Variants in SLIT3 observed in about 807,000 individuals in gnomAD.
SLIT3 encodes the protein slit homolog 3 protein.
SLIT3 carries 68 observed loss-of-function variants against 184.0 expected under a neutral mutation model. The observed-to-expected ratio is 0.37, with a 90% CI of 0.30 to 0.45. The LOEUF (loss-of-function observed/expected upper bound fraction) is 0.45. Among genes scored for constraint, SLIT3 ranks in the 20% least tolerant of loss-of-function variants. The probability of loss-of-function intolerance (pLI) is 1.00; values close to 1 mark genes in which losing one functional copy is unlikely to be tolerated. For synonymous variants in SLIT3, 831 were observed against 828.6 expected (o/e 1.00, Z -0.05); for missense variants, 1,707 against 2,026.0 (o/e 0.84, Z 3.02).
intron 20 of SLIT3, among the ~76,000 whole-genome samples, chr5:168,726,392 GGCA>G (rs1763114651): frequency 1.8e-5 from 1 of 54,810 alleles, no homozygotes; most frequent in African/African-American, 6.3e-5. Context: ...GAGGCAGGGA[GGCA>G]GAGGGAGGCA....
intron 3 of SLIT3, among the ~76,000 whole-genome samples, chr5:169,212,468 ATG>A (rs59448532): frequency 0.31 from 46,328 of 151,062 alleles, 8,017 homozygotes; most frequent in East Asian, 0.69. Flanking sequence ...TTGGGGTTGT[ATG>A]TTTTTTTTTC....
At chr5:169,272,211 G>A (rs150406852) in intron 1 of SLIT3, among the ~76,000 whole-genome samples, 17 of 152,302 alleles carry the variant, frequency 1.1e-4, no homozygotes, top group African/African-American at 1.9e-4. Flanking sequence ...TCCCTGTTCC[G>A]TTTGCAACCT....
intron 5 of SLIT3, among the ~76,000 whole-genome samples, chr5:168,851,011 T>C (rs1337851475): frequency 6.6e-6 from 1 of 152,132 alleles, no homozygotes; most frequent in African/African-American, 2.4e-5. Context: ...AGGGGGAAGA[T>C]CCCTGCAAAC....
chr5:168,843,955 C>T (rs1438056562), intron 6 of SLIT3, among the ~76,000 whole-genome samples: 1 of 152,034 alleles, frequency 6.6e-6, no homozygotes. Context: ...GGGCTGTCTC[C>T]TCTCATCTCC....
At chr5:169,114,786 G>A (rs573436785) in intron 4 of SLIT3, among the ~76,000 whole-genome samples, 2 of 152,320 alleles carry the variant, frequency 1.3e-5, no homozygotes, top group South Asian at 2.1e-4. Context: ...GGAGAAAGAC[G>A]GGTCCTCCCT....
chr5:168,954,837 G>A (rs1038748594), intron 4 of SLIT3, among the ~76,000 whole-genome samples: 1 of 152,248 alleles, frequency 6.6e-6, no homozygotes, highest in African/African-American at 2.4e-5. Flanking sequence ...TTGAGAGAAT[G>A]CAGGTCACAG....
chr5:168,915,813 G>A (rs1761416218), intron 4 of SLIT3, among the ~76,000 whole-genome samples: 1 of 152,176 alleles, frequency 6.6e-6, no homozygotes, highest in African/African-American at 2.4e-5. Flanking sequence ...ACAAGTAAAT[G>A]TCATATGTGA....
At chr5:168,824,711 C>T (rs1180969740) in intron 6 of SLIT3, among the ~76,000 whole-genome samples, 2 of 152,154 alleles carry the variant, frequency 1.3e-5, no homozygotes, top group East Asian at 1.9e-4. Flanking sequence ...TCATGGTGGC[C>T]ACTTGTTCCT....
At position 168,956,061 on chromosome 5, in the gene SLIT3, C is replaced by A. The variant is rs540450960; in HGVS notation, c.414-72725G>T. Among the ~76,000 whole-genome samples, 3 of 152,210 alleles carry A rather than the reference C, an allele frequency of 2.0e-5. No individual in the cohort carries two copies. The South Asian group carries it at 6.2e-4, about 32-fold the overall frequency. ...TGGATGCAGCCCCACCATCAACAAG[C>A]AAAACTCATTTTGAGTTTTAAAGGG... On this transcript the variant is annotated intron_variant, in intron 4 of 35. Transcript: ENST00000519560.
intron 4 of SLIT3, among the ~76,000 whole-genome samples, chr5:168,937,546 G>T (rs1376332852): frequency 1.3e-5 from 2 of 152,136 alleles, no homozygotes; most frequent in African/African-American, 2.4e-5. Context: ...CAGATAAGGG[G>T]TTGGGGTAAG....
At chr5:168,789,495 G>T (rs1011926270) in intron 11 of SLIT3, 65 bp downstream of exon 11, 12 of 1,225,986 alleles carry the variant, frequency 9.8e-6, no homozygotes, top group Non-Finnish European at 1.2e-5. Flanking sequence ...AAATATGGTT[G>T]CGTCTCTCTT....
intron 4 of SLIT3, among the ~76,000 whole-genome samples, chr5:169,116,186 T>G (rs1054471783): frequency 6.6e-6 from 1 of 152,170 alleles, no homozygotes; most frequent in African/African-American, 2.4e-5. Flanking sequence ...ATTATTGTAT[T>G]TATTATTGCA....
intron 3 of SLIT3, among the ~76,000 whole-genome samples, chr5:169,208,503 C>A (rs369582119): frequency 1.3e-5 from 2 of 152,012 alleles, no homozygotes; most frequent in Admixed American, 6.6e-5. Context: ...GAGAACAAAG[C>A]TGGAGGCATC....
intron 4 of SLIT3, among the ~76,000 whole-genome samples, chr5:168,980,360 G>A (rs1301023347): frequency 1.3e-5 from 2 of 152,138 alleles, no homozygotes; most frequent in Non-Finnish European, 1.5e-5. Context: ...GGGGAAGGCT[G>A]CTTCCCACAG....
chr5:168,733,333 A>G (rs951661934), intron 20 of SLIT3, among the ~76,000 whole-genome samples: 2 of 152,178 alleles, frequency 1.3e-5, no homozygotes, highest in African/African-American at 4.8e-5. Context: ...CTCATATGCT[A>G]CTGGTGGGAA....
intron 19 of SLIT3, among the ~76,000 whole-genome samples, chr5:168,748,917 CAAAT>C (rs1754599266): frequency 6.6e-6 from 1 of 152,186 alleles, no homozygotes; most frequent in Non-Finnish European, 1.5e-5. Context: ...TGAATTTATG[CAAAT>C]AAATATGCCC....
chr5:169,174,978 T>G (rs1202811143), intron 4 of SLIT3, among the ~76,000 whole-genome samples: 1 of 152,220 alleles, frequency 6.6e-6, no homozygotes. Context: ...TCTTGGCTCC[T>G]GACTGTGTGT....
chr5:169,047,796 C>A (rs750200836), intron 4 of SLIT3, among the ~76,000 whole-genome samples: 38 of 152,126 alleles, frequency 2.5e-4, no homozygotes, highest in Non-Finnish European at 2.1e-4. Flanking sequence ...TGTGCTCTGG[C>A]AGACCAGGAT....
chr5:168,884,548 A>G (rs1760103458), intron 4 of SLIT3, among the ~76,000 whole-genome samples: 1 of 97,576 alleles, frequency 1.0e-5, no homozygotes, highest in Non-Finnish European at 2.0e-5. Context: ...ACCAATTACG[A>G]GATATATATA....
Sources: gnomAD v4.1 joint callset for allele counts (sites outside exome capture counted in the v4.1 genomes callset) on GRCh38, gnomAD v4.1.1 for gene constraint, MANE v1.5 for transcripts, NCBI Gene and HGNC (gene_info 2026-07-23, HGNC 2026-07-21) for gene names.